The following FBXL17 variants were observed in gnomAD, a reference collection of about 807,000 sequenced individuals.
FBXL17 encodes F-box and leucine rich repeat protein 17, also known as F-box/LRR-repeat protein 17.
In FBXL17, 22 loss-of-function variants were observed where a neutral mutation model predicts 66.2. The observed-to-expected ratio is 0.33, with a 90% CI of 0.24 to 0.47. The LOEUF is 0.47. Among genes scored for constraint, FBXL17 ranks in the 20% least tolerant of loss-of-function variants. FBXL17 has a pLI of 1.00. For synonymous variants in FBXL17, 474 were observed against 400.5 expected, an observed-to-expected ratio of 1.18 and a Z score of -2.19; for missense variants, 878 against 948.2, an observed-to-expected ratio of 0.93 and a Z score of 0.97.
intron 7 of FBXL17, among the ~76,000 whole-genome samples, chr5:107,966,271 C>G (rs1337982058): frequency 6.6e-6 from 1 of 152,064 alleles, no homozygotes; most frequent in Admixed American, 6.6e-5. Context: ...TTTGGAGTTA[C>G]TCAGGGGAAG....
chr5:107,992,974 C>A (rs887060006), intron 7 of FBXL17, among the ~76,000 whole-genome samples: 2 of 151,972 alleles, frequency 1.3e-5, no homozygotes, highest in Admixed American at 6.6e-5. Flanking sequence ...CGGCTCACTG[C>A]GAGCTCCACC....
At chr5:108,354,617 C>T (rs1225700140) in intron 3 of FBXL17, among the ~76,000 whole-genome samples, 1 of 151,570 alleles carries the variant, frequency 6.6e-6, no homozygotes, top group Non-Finnish European at 1.5e-5. Flanking sequence ...AGATACCAAA[C>T]TACAGACCCA....
At chr5:108,149,255 A>C (rs1030782515) in intron 6 of FBXL17, among the ~76,000 whole-genome samples, 6 of 152,220 alleles carry the variant, frequency 3.9e-5, no homozygotes, top group African/African-American at 1.2e-4. Context: ...GTAAACATTC[A>C]ATTTTTAAAA....
chr5:107,918,412 A>G (rs1186059441), intron 7 of FBXL17, among the ~76,000 whole-genome samples: 1 of 152,186 alleles, frequency 6.6e-6, no homozygotes, highest in Admixed American at 6.5e-5. Context: ...TTTTAAAAAG[A>G]ATCTTGATCA....
chr5:108,080,651 G>A (rs1245564859), intron 6 of FBXL17, among the ~76,000 whole-genome samples: 1 of 152,134 alleles, frequency 6.6e-6, no homozygotes, highest in East Asian at 1.9e-4. Flanking sequence ...TATATGTAAG[G>A]TACACATACA....
chr5:107,977,428 C>T (rs1340088815), intron 7 of FBXL17, among the ~76,000 whole-genome samples: 1 of 152,096 alleles, frequency 6.6e-6, no homozygotes. Flanking sequence ...TATTATTACT[C>T]CTACTTTACA....
At chr5:107,933,843 A>G (rs1453525704) in intron 7 of FBXL17, among the ~76,000 whole-genome samples, 3 of 152,136 alleles carry the variant, frequency 2.0e-5, no homozygotes, top group African/African-American at 7.2e-5. Context: ...TTTGAAACAA[A>G]AACATAGATA....
At chr5:108,086,972 G>T (rs1011274322) in intron 6 of FBXL17, among the ~76,000 whole-genome samples, 2 of 152,136 alleles carry the variant, frequency 1.3e-5, no homozygotes, top group Admixed American at 6.5e-5. Context: ...CAGATGTGGG[G>T]CCTCAGTCAC....
intron 7 of FBXL17, among the ~76,000 whole-genome samples, chr5:107,988,311 T>C (rs897058250): frequency 1.3e-5 from 2 of 151,784 alleles, no homozygotes; most frequent in African/African-American, 4.8e-5. Context: ...CAGAAACAGA[T>C]TAATCTGGGA....
At chr5:108,323,877 T>C (rs116551412) in intron 4 of FBXL17, among the ~76,000 whole-genome samples, 1,588 of 152,128 alleles carry the variant, frequency 0.01, 31 homozygotes, top group African/African-American at 0.035. Context: ...AAACTGGATA[T>C]CTACATGCAA....
chr5:108,307,435 T>C (rs990925738), intron 4 of FBXL17, among the ~76,000 whole-genome samples: 1 of 151,988 alleles, frequency 6.6e-6, no homozygotes, highest in African/African-American at 2.4e-5. Context: ...GCTTCCCGAG[T>C]AGTTGGGACT....
chr5:108,258,301 T>A (rs549198018), intron 4 of FBXL17, among the ~76,000 whole-genome samples: 2 of 152,308 alleles, frequency 1.3e-5, no homozygotes, highest in South Asian at 2.1e-4. Flanking sequence ...ACCTTGATCT[T>A]GGACTTTTTA....
chr5:108,016,952 T>C (rs1754411834), intron 7 of FBXL17, among the ~76,000 whole-genome samples: 1 of 152,054 alleles, frequency 6.6e-6, no homozygotes, highest in Non-Finnish European at 1.5e-5. Flanking sequence ...GCTAATTTTG[T>C]ATTTTTAGTA....
chr5:108,154,662 CATATATATGTGTATAT>C (rs1751918431), intron 6 of FBXL17, among the ~76,000 whole-genome samples: 8 of 130,782 alleles, frequency 6.1e-5, no homozygotes, highest in African/African-American at 2.3e-4. Context: ...TATGTATATA[CATATATATGTGTATAT>C]ATATACACAT....
At chr5:108,171,897 A>G (rs1752618016) in intron 6 of FBXL17, among the ~76,000 whole-genome samples, 3 of 152,136 alleles carry the variant, frequency 2.0e-5, no homozygotes, top group Admixed American at 2.0e-4. Flanking sequence ...AAGTCTCACA[A>G]GATCTGATGG....
Position 108,273,461 on chromosome 5 carries a change from G to GA in FBXL17, c.1507-49234dup, listed in dbSNP as rs1239781499. Among the ~76,000 whole-genome samples, 17 of 151,480 alleles carry GA rather than the reference G, an allele frequency of 1.1e-4. 1 individual carries two copies. The highest frequency in any genetic ancestry group is 4.6e-4 in the Admixed American group (7 of 15,214). ...AAGTTTAAAGAACAAAACAAATGCAGAAAAAAAATGCAATATTTATTATGA... is the reference window on the plus strand; with the variant it reads ...AAGTTTAAAGAACAAAACAAATGCAGAAAAAAAAATGCAATATTTATTATGA... On this transcript the variant is annotated intron_variant, in intron 4 of 8. Coordinates refer to ENST00000542267, the MANE Select transcript of FBXL17 (RefSeq NM_001163315.3).
At position 108,348,857 on chromosome 5, in the gene FBXL17, T is replaced by C. The variant is rs181318334; in HGVS notation, c.1375-327A>G. 6.6e-5 allele frequency among the ~76,000 whole-genome samples: 10 copies of C among 152,270 alleles called. No individual in the cohort carries two copies. The East Asian group carries it at 1.9e-3, about 29-fold the overall frequency. Reference sequence around the variant, plus strand: ...TCTCACTGTGTCGCCCAGGCTAGAGTGCAGTGGCTCAATCATGGCTCACTG... The same window carrying C: ...TCTCACTGTGTCGCCCAGGCTAGAGCGCAGTGGCTCAATCATGGCTCACTG... On this transcript the variant is annotated intron_variant, in intron 3 of 8. Coordinates refer to ENST00000542267, the MANE Select transcript of FBXL17 (RefSeq NM_001163315.3).
At chr5:108,354,850 A>G (rs1747872760) in intron 3 of FBXL17, among the ~76,000 whole-genome samples, 2 of 152,114 alleles carry the variant, frequency 1.3e-5, no homozygotes, top group African/African-American at 4.8e-5. Context: ...CACGCAATCA[A>G]GAAGAAAGTA....
In FBXL17 at chr5:108,111,390, C is replaced by A. The variant is rs530586847; in HGVS notation, c.1745+74727G>T. On this transcript the variant is annotated intron_variant, in intron 6 of 8. Transcript: ENST00000542267. ...TACATTTAAAGTTTTTTGGAATTGTCAATAAATAATATTCATGATAGTTCA... is the reference window on the plus strand; with the variant it reads ...TACATTTAAAGTTTTTTGGAATTGTAAATAAATAATATTCATGATAGTTCA... 5.6e-3 allele frequency among the ~76,000 whole-genome samples: 848 copies of A among 152,008 alleles called. 10 individuals are homozygous for A. Among genetic ancestry groups the A allele is most frequent in the African/African-American group, 0.019 (790 of 41,492 alleles).
Sources: allele counts gnomAD v4.1 joint callset (sites outside exome capture counted in the v4.1 genomes callset), GRCh38; gene constraint gnomAD v4.1.1; transcripts MANE v1.5; gene names NCBI Gene and HGNC (gene_info 2026-07-23, HGNC 2026-07-21).